The following DZIP3 variants were observed in gnomAD, a reference collection of about 807,000 sequenced individuals.
The protein encoded by DZIP3 is DAZ interacting zinc finger protein 3.
In DZIP3, 118 loss-of-function variants were observed where a neutral mutation model predicts 162.0. The ratio of observed to expected loss-of-function variants is 0.73; its 90% CI spans 0.63 to 0.85. The LOEUF is 0.85. Among genes scored for constraint, DZIP3 ranks in the 40% least tolerant of loss-of-function variants. DZIP3 has a pLI of 0.00. For synonymous variants in DZIP3, 438 were observed against 458.6 expected (o/e 0.96, Z 0.57); for missense variants, 1,331 against 1,407.0 (o/e 0.95, Z 0.86).
intron 6 of DZIP3, among the ~76,000 whole-genome samples, chr3:108,624,931 T>A (rs1941526556): frequency 6.6e-6 from 1 of 152,172 alleles, no homozygotes; most frequent in Admixed American, 6.5e-5. Flanking sequence ...ATTTTCTTCA[T>A]AGCTTTGATA....
At chr3:108,679,730 A>T (rs1169435516) in intron 26 of DZIP3, among the ~76,000 whole-genome samples, 1 of 152,058 alleles carries the variant, frequency 6.6e-6, no homozygotes, top group Non-Finnish European at 1.5e-5. Context: ...GCTCTTCTGG[A>T]CTTTTGATTT....
At chr3:108,684,741 C>T (rs1944439484) in intron 27 of DZIP3, among the ~76,000 whole-genome samples, 1 of 152,072 alleles carries the variant, frequency 6.6e-6, no homozygotes, top group Non-Finnish European at 1.5e-5. Context: ...TTTATTTCCA[C>T]ACACGTACAC....
At chr3:108,634,243 A>T (rs1048654685) in intron 9 of DZIP3, among the ~76,000 whole-genome samples, 1 of 152,112 alleles carries the variant, frequency 6.6e-6, no homozygotes, top group Admixed American at 6.6e-5. Flanking sequence ...TGACATGGTG[A>T]TATGGTCCTA....
intron 1 of DZIP3, among the ~76,000 whole-genome samples, chr3:108,595,240 C>T (rs937895715): frequency 1.3e-5 from 2 of 152,084 alleles, no homozygotes; most frequent in Non-Finnish European, 2.9e-5. Flanking sequence ...GTAGGGGAGA[C>T]AGCATCTCAC....
chr3:108,670,130 T>A (rs1943872958), intron 22 of DZIP3, among the ~76,000 whole-genome samples: 1 of 151,944 alleles, frequency 6.6e-6, no homozygotes, highest in African/African-American at 2.4e-5. Flanking sequence ...GAAATTTTTT[T>A]AATAACACCT....
At chr3:108,620,104 G>A (rs948040128) in intron 5 of DZIP3, among the ~76,000 whole-genome samples, 1 of 152,140 alleles carries the variant, frequency 6.6e-6, no homozygotes, top group Non-Finnish European at 1.5e-5. Context: ...TCTGACGAAA[G>A]CCATCTGCAG....
intron 8 of DZIP3, among the ~76,000 whole-genome samples, chr3:108,632,038 G>A (rs111343494): frequency 3.3e-5 from 5 of 151,872 alleles, no homozygotes; most frequent in South Asian, 4.2e-4. Flanking sequence ...ACATTGAGCC[G>A]ATATTTGTGA....
intron 1 of DZIP3, among the ~76,000 whole-genome samples, chr3:108,594,418 C>T (rs1382935972): frequency 8.7e-6 from 1 of 114,678 alleles, no homozygotes; most frequent in Non-Finnish European, 1.7e-5. Flanking sequence ...CCCTCCCCTC[C>T]CCCCTCCCTC....
intron 19 of DZIP3, 96 bp from the exon 20 acceptor site, chr3:108,661,781 C>T (rs1178247213): frequency 3.5e-6 from 3 of 867,400 alleles, no homozygotes; most frequent in African/African-American, 1.7e-5. Flanking sequence ...AGACAAAAAA[C>T]GTGAAAGGAG....
At chr3:108,656,134 T>C (rs1042838547) in intron 19 of DZIP3, among the ~76,000 whole-genome samples, 3 of 152,154 alleles carry the variant, frequency 2.0e-5, no homozygotes, top group Non-Finnish European at 4.4e-5. Context: ...TCTGACAGCT[T>C]TGAAGAGAGT....
intron 26 of DZIP3, among the ~76,000 whole-genome samples, chr3:108,678,069 G>T (rs897329301): frequency 9.2e-5 from 14 of 151,890 alleles, no homozygotes; most frequent in Admixed American, 7.9e-4. Context: ...TGTCAAATCA[G>T]CTGCAGCACT....
At chr3:108,651,384 C>T (rs1445568977) in intron 18 of DZIP3, among the ~76,000 whole-genome samples, 2 of 151,542 alleles carry the variant, frequency 1.3e-5, no homozygotes, top group Non-Finnish European at 3.0e-5. Flanking sequence ...AAGAATAGAA[C>T]CCCTTACCAT....
chr3:108,666,936 G>A (rs1338341942), intron 21 of DZIP3, among the ~76,000 whole-genome samples: 2 of 152,112 alleles, frequency 1.3e-5, no homozygotes, highest in African/African-American at 2.4e-5. Context: ...AAAGTCTTCA[G>A]TGGATAATCC....
At chr3:108,629,281 T>C in intron 8 of DZIP3, 105 bp downstream of exon 8, 1 of 750,468 alleles carries the variant, frequency 1.3e-6, no homozygotes, top group South Asian at 2.0e-5. Context: ...CATAACTTTT[T>C]ATACAAGAAA....
intron 16 of DZIP3, chr3:108,648,448 G>A (rs1234119837): frequency 2.8e-5 from 5 of 179,288 alleles, no homozygotes; most frequent in Non-Finnish European, 5.8e-5. Flanking sequence ...AGGAAAGAAA[G>A]GAAGAGAAAA....
In DZIP3 at chr3:108,634,853, A is replaced by G. The variant is rs768965325; in HGVS notation, c.817-18A>G. The stretch of plus-strand genomic sequence containing the variant: ...ATCACCATGTCCTTATTGATAACTT[A>G]CTTTTATTTTTTTCCAGGGATTTTT... On this transcript the variant is annotated intron_variant, in intron 9 of 32. Coordinates refer to ENST00000361582, the MANE Select transcript of DZIP3 (RefSeq NM_014648.4). 6.5e-7 allele frequency: 1 copy of G among 1,538,888 alleles called. No homozygotes were observed. Among genetic ancestry groups the G allele is most frequent in the African/African-American group, 1.4e-5 (1 of 72,964 alleles).
At chr3:108,670,549 C>T (rs1285156699) in intron 22 of DZIP3, among the ~76,000 whole-genome samples, 1 of 151,804 alleles carries the variant, frequency 6.6e-6, no homozygotes, top group Admixed American at 6.6e-5. Flanking sequence ...GGACATTTGG[C>T]TTGTTTCCAT....
intron 5 of DZIP3, among the ~76,000 whole-genome samples, chr3:108,617,321 A>C (rs1576364983): frequency 6.6e-6 from 1 of 152,232 alleles, no homozygotes; most frequent in Admixed American, 6.5e-5. Flanking sequence ...AGCTTGAGTT[A>C]GTCATTTCAC....
chr3:108,639,398 T>G (rs145234760), intron 12 of DZIP3, among the ~76,000 whole-genome samples: 5 of 152,254 alleles, frequency 3.3e-5, no homozygotes, highest in African/African-American at 1.2e-4. Context: ...ATATGAACTT[T>G]GAACACTTTC....
Sources: allele counts gnomAD v4.1 joint callset (sites outside exome capture counted in the v4.1 genomes callset), GRCh38; gene constraint gnomAD v4.1.1; transcripts MANE v1.5; gene names NCBI Gene and HGNC (gene_info 2026-07-23, HGNC 2026-07-21).